SRGAP2: variants seen among roughly 807,000 people sequenced by gnomAD.
The protein encoded by SRGAP2 is SLIT-ROBO Rho GTPase activating protein 2.
A neutral mutation model predicts 57.2 loss-of-function variants in SRGAP2; 15 were observed. That is an observed-to-expected ratio of 0.26 (90% CI 0.18 to 0.40). The LOEUF is 0.40. Among genes scored for constraint, SRGAP2 ranks in the 10% least tolerant of loss-of-function variants. The pLI is 1.00. For synonymous variants in SRGAP2, 249 were observed against 248.0 expected (o/e 1.00, Z -0.04); for missense variants, 520 against 669.6 (o/e 0.78, Z 2.47).
chr1:206,371,648 G>T (rs1255375100), intron 4 of SRGAP2, among the ~76,000 whole-genome samples: 1 of 151,330 alleles, frequency 6.6e-6, no homozygotes, highest in South Asian at 2.1e-4. Flanking sequence ...GGAGAATGGC[G>T]TGAATCCGGG....
intron 5 of SRGAP2, among the ~76,000 whole-genome samples, chr1:206,391,711 A>G (rs1445187116): frequency 7.3e-5 from 11 of 150,712 alleles, no homozygotes; most frequent in Admixed American, 7.2e-4. Flanking sequence ...TCACACTTTC[A>G]GCACTCGTGA....
intron 4 of SRGAP2, among the ~76,000 whole-genome samples, chr1:206,358,134 A>G (rs1189161860): frequency 2.0e-5 from 3 of 152,272 alleles, no homozygotes; most frequent in Admixed American, 6.5e-5. Context: ...AATCAGTGCT[A>G]CGCCTGAGCT....
chr1:206,419,225 GTCTC>G (rs371788234), intron 11 of SRGAP2, 144 bp from the exon 12 acceptor site: 19 of 618,194 alleles, frequency 3.1e-5, no homozygotes, highest in African/African-American at 3.7e-5. Context: ...GTCTCTCTCT[GTCTC>G]TCTCTCTCTC....
chr1:206,394,253 G>A (rs1657343954), intron 7 of SRGAP2, among the ~76,000 whole-genome samples: 1 of 149,656 alleles, frequency 6.7e-6, no homozygotes, highest in African/African-American at 2.5e-5. Flanking sequence ...CACCATGTTA[G>A]TGAAGCTGAT....
At chr1:206,291,081 G>T (rs1362699100) in intron 2 of SRGAP2, among the ~76,000 whole-genome samples, 2 of 151,410 alleles carry the variant, frequency 1.3e-5, no homozygotes, top group Admixed American at 1.3e-4. Context: ...GAAGGAATTC[G>T]GGGATTCTTT....
At chr1:206,426,131 C>T (rs75278141) in intron 13 of SRGAP2, among the ~76,000 whole-genome samples, 1,916 of 152,238 alleles carry the variant, frequency 0.013, 24 homozygotes, top group South Asian at 0.027. Flanking sequence ...CCTCACTCCC[C>T]GCTACCCTTC....
At chr1:206,409,683 A>G (rs1659015708) in intron 10 of SRGAP2, among the ~76,000 whole-genome samples, 1 of 147,998 alleles carries the variant, frequency 6.8e-6, no homozygotes, top group African/African-American at 2.5e-5. Flanking sequence ...TCAGGAGGCT[A>G]AGGTGGGAGG....
chr1:206,429,936 G>A (rs544513487), intron 13 of SRGAP2, among the ~76,000 whole-genome samples: 5 of 152,190 alleles, frequency 3.3e-5, no homozygotes, highest in Non-Finnish European at 5.9e-5. Context: ...TGGGGCAGAA[G>A]ATGATCAGTT....
chr1:206,441,749 G>C (rs996953167), intron 17 of SRGAP2, among the ~76,000 whole-genome samples: 7 of 152,138 alleles, frequency 4.6e-5, no homozygotes, highest in Non-Finnish European at 8.8e-5. Context: ...GCAGTCCCTG[G>C]TGGCAGCAAT....
At chr1:206,436,797 G>A (rs909449954) in intron 14 of SRGAP2, among the ~76,000 whole-genome samples, 168 bp from the exon 15 acceptor site, 2 of 152,186 alleles carry the variant, frequency 1.3e-5, no homozygotes, top group African/African-American at 2.4e-5. Context: ...AATTATTCCA[G>A]TGACTTTTCC....
chr1:206,360,703 G>A (rs577723460), intron 4 of SRGAP2, among the ~76,000 whole-genome samples: 18 of 152,148 alleles, frequency 1.2e-4, no homozygotes, highest in Non-Finnish European at 2.6e-4. Context: ...TGAACAATTC[G>A]AAGTTGGAAT....
intron 3 of SRGAP2, among the ~76,000 whole-genome samples, chr1:206,327,195 C>T (rs1673987062): frequency 6.6e-6 from 1 of 152,014 alleles, no homozygotes; most frequent in African/African-American, 2.4e-5. Flanking sequence ...GGCATGGTGG[C>T]ACATGCCTGT....
chr1:206,458,889 C>T lies in SRGAP2; in HGVS notation c.2774C>T (p.Ala925Val), dbSNP rs782035100. 1.2e-5 allele frequency: 9 copies of T among 780,012 alleles called. No homozygotes were observed. The highest frequency in any genetic ancestry group is 1.7e-5 in the Admixed American group (1 of 58,912). The allele number at this position is 780,012 out of a possible 1,614,324, so 48.3% of individuals were successfully genotyped here. The change falls in exon 22 of 23, where the codon GCG (alanine) becomes GTG (valine). Residue 925 changes from alanine to valine, a missense_variant. Coordinates refer to ENST00000573034, the MANE Select transcript of SRGAP2 (RefSeq NM_015326.5). ...DSPQIRKTATAGRSKSFNNHR... is the reference protein window; with the variant it reads ...DSPQIRKTATVGRSKSFNNHR... Reference sequence around the variant, plus strand: ...CCACAGATCCGGAAGACTGCCACAGCGGGAAGGTCAAAAAGCTTCAATAAC... The same window carrying T: ...CCACAGATCCGGAAGACTGCCACAGTGGGAAGGTCAAAAAGCTTCAATAAC...
chr1:206,426,204 G>A (rs972743832), intron 13 of SRGAP2, among the ~76,000 whole-genome samples: 1 of 152,152 alleles, frequency 6.6e-6, no homozygotes, highest in African/African-American at 2.4e-5. Flanking sequence ...TTAGCTTATA[G>A]ATACAAGTGA....
chr1:206,305,429 A>C (rs1393515944), intron 3 of SRGAP2, among the ~76,000 whole-genome samples: 1 of 152,132 alleles, frequency 6.6e-6, no homozygotes, highest in Non-Finnish European at 1.5e-5. Context: ...AGCCATGCCC[A>C]TGTCTTAAGA....
At chr1:206,339,274 A>T (rs1415115520) in intron 3 of SRGAP2, among the ~76,000 whole-genome samples, 2 of 152,156 alleles carry the variant, frequency 1.3e-5, no homozygotes, top group African/African-American at 4.8e-5. Flanking sequence ...TCGCTACCCA[A>T]CCACGGTCTA....
At chr1:206,356,511 G>A (rs184687234) in intron 4 of SRGAP2, among the ~76,000 whole-genome samples, 3 of 152,304 alleles carry the variant, frequency 2.0e-5, no homozygotes, top group Admixed American at 1.3e-4. Flanking sequence ...GCATTCTGCA[G>A]TCATATGTTG....
intron 19 of SRGAP2, among the ~76,000 whole-genome samples, chr1:206,451,858 C>T (rs1164875852): frequency 2.6e-5 from 4 of 152,184 alleles, no homozygotes; most frequent in African/African-American, 7.2e-5. Context: ...TTTAGACAGG[C>T]CTTCTCTGAC....
intron 5 of SRGAP2, among the ~76,000 whole-genome samples, chr1:206,385,639 C>A (rs1228012424): frequency 2.0e-5 from 3 of 150,230 alleles, no homozygotes; most frequent in Non-Finnish European, 4.4e-5. Context: ...GGTCCTATGT[C>A]TCTTCATATG....
Sources: allele counts gnomAD v4.1 joint callset (sites outside exome capture counted in the v4.1 genomes callset), GRCh38; gene constraint gnomAD v4.1.1; transcripts MANE v1.5; gene names NCBI Gene and HGNC (gene_info 2026-07-23, HGNC 2026-07-21).